The following FBXL7 variants were observed in gnomAD, a reference collection of about 807,000 sequenced individuals.
FBXL7 encodes F-box and leucine rich repeat protein 7.
FBXL7 carries 12 observed loss-of-function variants against 38.3 expected under a neutral mutation model. The observed-to-expected ratio is 0.31, with a 90% CI of 0.20 to 0.51. The LOEUF is 0.51. FBXL7 is among the 20% of genes least tolerant of loss of function. The probability of loss-of-function intolerance (pLI) is 0.98; values close to 1 mark genes in which losing one functional copy is unlikely to be tolerated. For synonymous variants in FBXL7, 297 were observed against 300.9 expected, an observed-to-expected ratio of 0.99 and a Z score of 0.13; for missense variants, 567 against 676.4, an observed-to-expected ratio of 0.84 and a Z score of 1.79.
At chr5:15,731,431 A>G (rs1735580808) in intron 2 of FBXL7, among the ~76,000 whole-genome samples, 1 of 152,206 alleles carries the variant, frequency 6.6e-6, no homozygotes, top group South Asian at 2.1e-4. Context: ...TCACAGGAAC[A>G]GCATGGGAAA....
intron 2 of FBXL7, among the ~76,000 whole-genome samples, chr5:15,674,494 C>A (rs1207483881): frequency 6.6e-6 from 1 of 152,152 alleles, no homozygotes; most frequent in Non-Finnish European, 1.5e-5. Context: ...ACCAGGTTGG[C>A]TATAGGGTTT....
At chr5:15,840,156 C>A (rs1427759076) in intron 2 of FBXL7, among the ~76,000 whole-genome samples, 1 of 152,170 alleles carries the variant, frequency 6.6e-6, no homozygotes, top group African/African-American at 2.4e-5. Context: ...AGTCTTTCCT[C>A]GGAGAAAGTG....
intron 1 of FBXL7, among the ~76,000 whole-genome samples, chr5:15,545,781 G>A (rs900378634): frequency 6.6e-6 from 1 of 152,174 alleles, no homozygotes; most frequent in African/African-American, 2.4e-5. Context: ...AGAGTGTTTG[G>A]TTATCAAGTT....
chr5:15,512,529 T>A (rs1736828109), intron 1 of FBXL7, among the ~76,000 whole-genome samples: 1 of 152,240 alleles, frequency 6.6e-6, no homozygotes, highest in Non-Finnish European at 1.5e-5. Context: ...TCTGGGAACC[T>A]TTCTTAAACT....
intron 2 of FBXL7, among the ~76,000 whole-genome samples, chr5:15,655,633 G>T (rs1036041890): frequency 2.0e-5 from 3 of 152,190 alleles, no homozygotes; most frequent in African/African-American, 7.2e-5. Context: ...TGATTAGTTT[G>T]CCTGAATGTT....
At chr5:15,861,725 A>G (rs1428142305) in intron 2 of FBXL7, among the ~76,000 whole-genome samples, 1 of 152,126 alleles carries the variant, frequency 6.6e-6, no homozygotes, top group Non-Finnish European at 1.5e-5. Flanking sequence ...TGGTGTCCTG[A>G]AGTCGTGGGG....
chr5:15,599,353 GT>G (rs1198046782), intron 1 of FBXL7, among the ~76,000 whole-genome samples: 1 of 152,090 alleles, frequency 6.6e-6, no homozygotes, highest in Non-Finnish European at 1.5e-5. Context: ...ATGTGTGTGT[GT>G]TTGTATGTGT....
intron 1 of FBXL7, among the ~76,000 whole-genome samples, chr5:15,596,414 A>C (rs1328697743): frequency 6.6e-6 from 1 of 152,216 alleles, no homozygotes; most frequent in East Asian, 1.9e-4. Flanking sequence ...GTCAACTCAG[A>C]ATTTAGGTAG....
At chr5:15,921,862 G>A (rs1341931123) in intron 2 of FBXL7, among the ~76,000 whole-genome samples, 1 of 152,132 alleles carries the variant, frequency 6.6e-6, no homozygotes, top group Non-Finnish European at 1.5e-5. Flanking sequence ...GACAGGGTGT[G>A]AAGAAAAGAG....
chr5:15,833,711 A>G (rs1738517342), intron 2 of FBXL7, among the ~76,000 whole-genome samples: 1 of 152,184 alleles, frequency 6.6e-6, no homozygotes, highest in Admixed American at 6.5e-5. Context: ...TATTCAAGCT[A>G]AGAGAGGTTG....
At chr5:15,753,953 A>G (rs1400272617) in intron 2 of FBXL7, among the ~76,000 whole-genome samples, 1 of 152,230 alleles carries the variant, frequency 6.6e-6, no homozygotes, top group African/African-American at 2.4e-5. Context: ...GGGGCCATAG[A>G]TAACTCATTT....
chr5:15,805,016 T>C lies in FBXL7; in HGVS notation c.128-122874T>C, dbSNP rs551819655. Among the ~76,000 whole-genome samples the C allele has an allele frequency of 2.6e-3, 401 of 151,352 alleles. 2 individuals carry two copies. Among genetic ancestry groups the C allele is most frequent in the African/African-American group, 9.3e-3 (385 of 41,322 alleles). ...TGGCCTATTCTGAGAACTCTCTCTT[T>C]GGCTTGTAGATGGCCATCTTCTCCC... On this transcript the variant is annotated intron_variant, in intron 2 of 3. Coordinates refer to ENST00000504595, the MANE Select transcript of FBXL7 (RefSeq NM_012304.5).
chr5:15,539,231 G>C (rs955914287), intron 1 of FBXL7, among the ~76,000 whole-genome samples: 4 of 152,128 alleles, frequency 2.6e-5, no homozygotes, highest in African/African-American at 9.7e-5. Flanking sequence ...ATCTTAGCTT[G>C]GTTTGTAGGG....
At position 15,502,366 on chromosome 5, in the gene FBXL7, C is replaced by A. The variant is rs1031541077; in HGVS notation, c.37+1653C>A. 2.6e-5 allele frequency among the ~76,000 whole-genome samples: 4 copies of A among 151,908 alleles called. No homozygotes were observed. In the East Asian group the frequency reaches 7.7e-4, roughly 29 times the overall value. ...ATATGACGACTTCCTGTCTGAACAG[C>A]AGAATTTTCAACCCTTGGGAGAGAA... On this transcript the variant is annotated intron_variant, in intron 1 of 3. Coordinates refer to ENST00000504595, the MANE Select transcript of FBXL7 (RefSeq NM_012304.5).
At chr5:15,678,326 T>C (rs955864867) in intron 2 of FBXL7, among the ~76,000 whole-genome samples, 13 of 152,274 alleles carry the variant, frequency 8.5e-5, no homozygotes, top group Admixed American at 2.6e-4. Flanking sequence ...TCGGTGATAC[T>C]GATGTTCAGA....
In FBXL7 at chr5:15,939,262, T is replaced by C. The variant is rs1180370188; in HGVS notation, c.*2076T>C. On this transcript the variant is annotated 3_prime_UTR_variant, in exon 4 of 4. Transcript: ENST00000504595. ...CAGAGTTTAAAACCATGAAAGAAGT[T>C]GAAGGCAGCATTCCTCAGCTCTGTG... 5.2e-6 allele frequency: 2 copies of C among 388,230 alleles called. No homozygotes were observed. Among genetic ancestry groups the C allele is most frequent in the African/African-American group, 4.1e-5 (2 of 48,406 alleles). The allele number at this position is 388,230 out of a possible 1,614,324, so 24.0% of individuals were successfully genotyped here.
At chr5:15,569,229 A>T (rs962769494) in intron 1 of FBXL7, among the ~76,000 whole-genome samples, 7 of 151,852 alleles carry the variant, frequency 4.6e-5, no homozygotes, top group Non-Finnish European at 8.8e-5. Flanking sequence ...TGAGCATGGA[A>T]TGTTCTTCCA....
chr5:15,561,713 T>A (rs1470876848), intron 1 of FBXL7, among the ~76,000 whole-genome samples: 1 of 152,026 alleles, frequency 6.6e-6, no homozygotes, highest in Non-Finnish European at 1.5e-5. Flanking sequence ...CTTCTCACCC[T>A]CACCAACACT....
At chr5:15,882,589 T>C (rs1475907573) in intron 2 of FBXL7, among the ~76,000 whole-genome samples, 1 of 152,230 alleles carries the variant, frequency 6.6e-6, no homozygotes, top group African/African-American at 2.4e-5. Context: ...ATTTCAGACC[T>C]GACAGAAGTC....
Sources: allele counts gnomAD v4.1 joint callset (sites outside exome capture counted in the v4.1 genomes callset), GRCh38; gene constraint gnomAD v4.1.1; transcripts MANE v1.5; gene names NCBI Gene and HGNC (gene_info 2026-07-23, HGNC 2026-07-21).